Variants in RNF43 observed in about 807,000 individuals in gnomAD.
The protein encoded by RNF43 is E3 ubiquitin-protein ligase RNF43.
In RNF43, 37 loss-of-function variants were observed where a neutral mutation model predicts 78.4. The ratio of observed to expected loss-of-function variants is 0.47; its 90% CI spans 0.36 to 0.62. RNF43 has a LOEUF of 0.62. RNF43 is among the 20% of genes least tolerant of loss of function. RNF43 has a pLI of 0.00. For missense variants in RNF43, 774 were observed against 1,007.9 expected (o/e 0.77, Z 3.14); for synonymous variants, 347 against 395.0 (o/e 0.88, Z 1.44).
intron 2 of RNF43, 63 bp downstream of exon 2, chr17:58,415,263 G>A (rs1415968780): frequency 6.4e-7 from 1 of 1,555,804 alleles, no homozygotes; most frequent in African/African-American, 1.4e-5. Context: ...TCATTTGGGA[G>A]ACAAAAGAAG....
rs775699718 is a variant in RNF43, at chr17:58,415,343, C to T, written c.235G>A (p.Glu79Lys). The T allele has an allele frequency of 1.2e-6, 2 of 1,614,250 alleles. No individual in the cohort carries two copies. The highest frequency in any genetic ancestry group is 1.7e-6 in the Non-Finnish European group (2 of 1,180,012). The change falls in exon 2 of 10, where the codon GAA (glutamate) becomes AAA (lysine). Residue 79 changes from glutamate (E) to lysine (K), a missense_variant. Transcript: ENST00000407977. ...FAGVAEITPAEGKLMQSHPLY... is the reference protein window; with the variant it reads ...FAGVAEITPAKGKLMQSHPLY... ...ATACTTGCCTGCATTAATTTTCCTT[C>T]TGCTGGAGTTATTTCAGCAACACCA...
intron 2 of RNF43, among the ~76,000 whole-genome samples, chr17:58,412,881 A>T (rs931211121): frequency 2.6e-5 from 4 of 151,908 alleles, no homozygotes; most frequent in African/African-American, 9.7e-5. Flanking sequence ...CATACATAGC[A>T]TCCTCAAGTT....
In RNF43 at chr17:58,362,648, G is replaced by A. The variant is rs758651247; in HGVS notation, c.583C>T (p.Pro195Ser). ...ATTAGGATCCACACATCATAATCTG[G>A]CTGGGGAGTGAGCAGAGAGGGAAAG... The part of the protein sequence containing the change: ...RIELKEPPAW[P>S]DYDVWILMTV... Residue 195 changes from proline to serine, a missense_variant and splice_region_variant, in exon 6 of 10, where the codon CCA (proline) becomes TCA (serine). By Grantham distance (74) the Pro-to-Ser change is moderately conservative. Coordinates refer to ENST00000407977, the MANE Select transcript of RNF43 (RefSeq NM_017763.6). 6.2e-7 allele frequency: 1 copy of A among 1,606,772 alleles called. No homozygotes were observed. The highest frequency in any genetic ancestry group is 8.5e-7 in the Non-Finnish European group (1 of 1,175,920).
intron 2 of RNF43, among the ~76,000 whole-genome samples, chr17:58,377,095 A>G (rs1047872550): frequency 2.0e-5 from 3 of 152,074 alleles, no homozygotes; most frequent in African/African-American, 7.2e-5. Flanking sequence ...ACAGACCTAG[A>G]GTTCAGATTC....
At position 58,406,105 on chromosome 17, in the gene RNF43, C is replaced by T. The variant is rs145042218; in HGVS notation, c.252+9221G>A. On this transcript the variant is annotated intron_variant, in intron 2 of 9. Transcript: ENST00000407977. Reference sequence around the variant, plus strand: ...GGCAGAATAAATGACACATGCACCACGTAAAGTATTGCTAAACTGTGGTGA... The same window carrying T: ...GGCAGAATAAATGACACATGCACCATGTAAAGTATTGCTAAACTGTGGTGA... Among the ~76,000 whole-genome samples, 1,181 of 152,246 alleles carry T rather than the reference C, an allele frequency of 7.8e-3. 52 individuals are homozygous for T. The highest frequency in any genetic ancestry group is 0.072 in the Admixed American group (1,095 of 15,292).
rs1247144319 is a variant in RNF43, at chr17:58,354,276, T to A, written c.*667A>T. The A allele has an allele frequency of 5.0e-6, 1 of 201,750 alleles. No individual in the cohort carries two copies. Among genetic ancestry groups the A allele is most frequent in the South Asian group, 1.9e-4 (1 of 5,242 alleles). The allele number at this position is 201,750 out of a possible 1,614,324, so 12.5% of individuals were successfully genotyped here. ...AGGAGTTTTTCCCTCCCCACTATTCTTATTCTCAACCCCCAGAGGAACCAA... is the reference window on the plus strand; with the variant it reads ...AGGAGTTTTTCCCTCCCCACTATTCATATTCTCAACCCCCAGAGGAACCAA... On this transcript the variant is annotated 3_prime_UTR_variant, in exon 10 of 10. Transcript: ENST00000407977.
At chr17:58,414,270 T>G (rs988644277) in intron 2 of RNF43, among the ~76,000 whole-genome samples, 3 of 152,226 alleles carry the variant, frequency 2.0e-5, no homozygotes, top group African/African-American at 7.2e-5. Context: ...AATTTTCCTA[T>G]CTTCTTTAAG....
intron 2 of RNF43, among the ~76,000 whole-genome samples, chr17:58,392,939 G>T (rs533427486): frequency 1.1e-4 from 17 of 152,332 alleles, no homozygotes; most frequent in Admixed American, 3.3e-4. Flanking sequence ...AGATACATTT[G>T]ACATTACAGG....
At chr17:58,404,065 G>T (rs552984386) in intron 2 of RNF43, among the ~76,000 whole-genome samples, 2 of 152,152 alleles carry the variant, frequency 1.3e-5, no homozygotes, top group East Asian at 1.9e-4. Context: ...CCAGAGAAAG[G>T]CTCCTTTTTT....
chr17:58,353,462 C>A (rs754079576), downstream of RNF43: 89 of 200,736 alleles, frequency 4.4e-4, no homozygotes, highest in Non-Finnish European at 6.4e-4. Flanking sequence ...AGAATCCAGT[C>A]ATGCTTTCTC....
intron 3 of RNF43, among the ~76,000 whole-genome samples, chr17:58,369,351 G>A (rs1301150325): frequency 2.0e-5 from 3 of 152,184 alleles, no homozygotes; most frequent in African/African-American, 7.2e-5. Context: ...TTCCTTGTCA[G>A]CACGGCCAGG....
At chr17:58,364,591 C>T (rs1972909567) in intron 3 of RNF43, among the ~76,000 whole-genome samples, 1 of 152,176 alleles carries the variant, frequency 6.6e-6, no homozygotes. Flanking sequence ...GGCCTGGGGC[C>T]TCCCGGCCTA....
chr17:58,387,084 G>A (rs1013232835), intron 2 of RNF43, among the ~76,000 whole-genome samples: 1 of 152,168 alleles, frequency 6.6e-6, no homozygotes, highest in Non-Finnish European at 1.5e-5. Flanking sequence ...GGTCTCCCAG[G>A]TCCACTTTGG....
intron 2 of RNF43, among the ~76,000 whole-genome samples, chr17:58,407,998 T>G (rs1162282307): frequency 6.6e-6 from 1 of 152,212 alleles, no homozygotes; most frequent in Non-Finnish European, 1.5e-5. Context: ...TTACTACACA[T>G]AAGAAGATCT....
chr17:58,406,106 G>A (rs1004180688), intron 2 of RNF43, among the ~76,000 whole-genome samples: 80 of 152,156 alleles, frequency 5.3e-4, no homozygotes, highest in African/African-American at 1.9e-3. Context: ...CATGCACCAC[G>A]TAAAGTATTG....
At chr17:58,393,689 G>T (rs530614750) in intron 2 of RNF43, among the ~76,000 whole-genome samples, 1 of 152,132 alleles carries the variant, frequency 6.6e-6, no homozygotes, top group Non-Finnish European at 1.5e-5. Flanking sequence ...TAATGTTTGC[G>T]CTTCATTGTA....
chr17:58,381,384 C>A (rs566695527), intron 2 of RNF43, among the ~76,000 whole-genome samples: 2 of 152,198 alleles, frequency 1.3e-5, no homozygotes, highest in Non-Finnish European at 2.9e-5. Flanking sequence ...TTTGTCCATG[C>A]GGTGGCCCTA....
chr17:58,401,100 T>C (rs774753363), intron 2 of RNF43, among the ~76,000 whole-genome samples: 16 of 152,166 alleles, frequency 1.1e-4, no homozygotes, highest in Non-Finnish European at 2.1e-4. Flanking sequence ...TCCTGATCTA[T>C]TTTGGGGAGA....
chr17:58,374,394 CTTTT>C (rs1266131489), intron 2 of RNF43, among the ~76,000 whole-genome samples: 5 of 139,216 alleles, frequency 3.6e-5, no homozygotes, highest in Non-Finnish European at 4.7e-5. Context: ...TTTCACTCTT[CTTTT>C]TTTTTTTTTT....
Sources: gnomAD v4.1 joint callset for allele counts (sites outside exome capture counted in the v4.1 genomes callset) on GRCh38, gnomAD v4.1.1 for gene constraint, MANE v1.5 for transcripts, NCBI Gene and HGNC (gene_info 2026-07-23, HGNC 2026-07-21) for gene names.